The following DENND4A variants were observed in gnomAD, a reference collection of about 807,000 sequenced individuals.
DENND4A encodes the protein DENN domain containing 4A.
A neutral mutation model predicts 199.3 loss-of-function variants in DENND4A; 70 were observed. That is an observed-to-expected ratio of 0.35 (90% CI 0.29 to 0.43). The LOEUF (loss-of-function observed/expected upper bound fraction) is 0.43. DENND4A is among the 20% of genes least tolerant of loss of function. DENND4A has a pLI of 1.00. For missense variants in DENND4A, 1,723 were observed against 2,255.8 expected (o/e 0.76, Z 4.78); for synonymous variants, 686 against 766.9 (o/e 0.89, Z 1.74).
chr15:65,731,816 T>C, intron 8 of DENND4A, 116 bp from the exon 9 acceptor site: 1 of 693,118 alleles, frequency 1.4e-6, no homozygotes. Flanking sequence ...GTATATCCAT[T>C]TACCAGTATC....
chr15:65,765,718 C>A (rs1459863751), intron 1 of DENND4A, among the ~76,000 whole-genome samples: 1 of 152,104 alleles, frequency 6.6e-6, no homozygotes, highest in African/African-American at 2.4e-5. Flanking sequence ...CCTAGTATTG[C>A]CCTGTATAAG....
chr15:65,782,521 C>A (rs2077460554), intron 1 of DENND4A, among the ~76,000 whole-genome samples: 2 of 152,160 alleles, frequency 1.3e-5, no homozygotes, highest in Non-Finnish European at 2.9e-5. Context: ...AGACTGGTTG[C>A]AAACTGCAGC....
intron 1 of DENND4A, among the ~76,000 whole-genome samples, chr15:65,788,389 G>A (rs940942456): frequency 3.3e-5 from 5 of 152,134 alleles, no homozygotes; most frequent in African/African-American, 1.2e-4. Flanking sequence ...CTGGTTAAGA[G>A]AACACCTTCA....
chr15:65,725,960 T>A (rs1385071931), intron 11 of DENND4A: 1 of 152,186 alleles, frequency 6.6e-6, no homozygotes, highest in Admixed American at 6.5e-5. Context: ...TAGAAAGCTG[T>A]CAGTTCGCTA....
intron 23 of DENND4A, among the ~76,000 whole-genome samples, chr15:65,689,182 A>T (rs2142055560): frequency 6.6e-6 from 1 of 152,322 alleles, no homozygotes. Flanking sequence ...TATTTTTAAT[A>T]CATTCCAATT....
intron 15 of DENND4A, among the ~76,000 whole-genome samples, chr15:65,704,789 ACCATGTTGG>A (rs1251667041): frequency 6.6e-6 from 1 of 151,696 alleles, no homozygotes; most frequent in Non-Finnish European, 1.5e-5. Flanking sequence ...CAGGGTTTTC[ACCATGTTGG>A]CCAGGTTGGT....
rs1781877649 is a variant in DENND4A at position 65,771,218 on chromosome 15, T to C, written c.-101-9780A>G. The C allele has an allele frequency of 5.0e-6, 8 of 1,608,556 alleles. No individual in the cohort carries two copies. The South Asian group carries it at 8.8e-5, about 18-fold the overall frequency. On this transcript the variant is annotated intron_variant, in intron 1 of 32. Coordinates refer to ENST00000443035, the MANE Select transcript of DENND4A (RefSeq NM_001320835.1). The stretch of plus-strand genomic sequence containing the variant: ...GGTAAGCCGCTCTAATTCTTTACAG[T>C]TGTCCATGCTCAAGGCATCTGACTT...
chr15:65,701,117 A>G lies in DENND4A; in HGVS notation c.2635T>C (p.Leu879=). 1 of 1,610,626 alleles carries G rather than the reference A, an allele frequency of 6.2e-7. No individual in the cohort carries two copies. Among genetic ancestry groups the G allele is most frequent in the South Asian group, 1.1e-5 (1 of 90,388 alleles). ...GCTCTTTTGAACTGTGTTACTCCTA[A>G]AACAACATTTCTTACTTTTGTCCAA... ...FLWTKVRNVV[L]GVTQFKRALK... The change falls in exon 19 of 33, where the codon TTA becomes CTA. Residue 879 remains leucine, a synonymous_variant. Transcript: ENST00000443035.
Position 65,664,621 on chromosome 15 carries a change from A to G in DENND4A, c.5461T>C (p.Tyr1821His), listed in dbSNP as rs2075976962. Reference protein sequence around the residue: ...MVKSIKMNDVYGPMSQILETL... With the variant: ...MVKSIKMNDVHGPMSQILETL... ...TCTAAAATCTGACTCATTGGTCCAT[A>G]GACATCATTCATTTTAATGCTTTTT... The change falls in exon 31 of 33, where the codon TAT becomes CAT. Residue 1821 changes from tyrosine to histidine, a missense_variant. Tyr to His is a moderately conservative substitution (Grantham distance 83). Transcript: ENST00000443035. 6.2e-7 allele frequency: 1 copy of G among 1,612,916 alleles called. No homozygotes were observed. Among genetic ancestry groups the G allele is most frequent in the Admixed American group, 1.7e-5 (1 of 59,982 alleles).
intron 20 of DENND4A, 91 bp from the exon 21 acceptor site, chr15:65,697,474 C>T: frequency 1.3e-6 from 1 of 776,978 alleles, no homozygotes; most frequent in South Asian, 1.7e-5. Flanking sequence ...GTTTGGATTT[C>T]CTTATAAATT....
At chr15:65,765,273 G>GA (rs2076954324) in intron 1 of DENND4A, among the ~76,000 whole-genome samples, 1 of 152,144 alleles carries the variant, frequency 6.6e-6, no homozygotes, top group Non-Finnish European at 1.5e-5. Flanking sequence ...ACCCGGAATA[G>GA]AAAATTTATA....
chr15:65,781,696 T>C (rs1011562226), intron 1 of DENND4A, among the ~76,000 whole-genome samples: 4 of 152,042 alleles, frequency 2.6e-5, no homozygotes, highest in African/African-American at 9.7e-5. Context: ...AGAGATGAAG[T>C]GAAGGCGATA....
chr15:65,660,332 T>G lies in DENND4A; in HGVS notation c.*1519A>C. The G allele has an allele frequency of 6.5e-7, 1 of 1,532,746 alleles. No individual in the cohort carries two copies. The highest frequency in any genetic ancestry group is 8.7e-7 in the Non-Finnish European group (1 of 1,144,516). The allele number at this position is 1,532,746 out of a possible 1,614,324, so 94.9% of individuals were successfully genotyped here. ...GGTGCTATTCACTAATGGTGTGAAC[T>G]CAAAAGGTGGGTTTTCTGCAGCTGA... On this transcript the variant is annotated 3_prime_UTR_variant, in exon 33 of 33. Transcript: ENST00000443035.
chr15:65,659,330 T>C lies in DENND4A; in HGVS notation c.*2521A>G, dbSNP rs955170942. 8.0e-5 allele frequency: 10 copies of C among 125,380 alleles called. No individual in the cohort carries two copies. Among genetic ancestry groups the C allele is most frequent in the African/African-American group, 2.6e-4 (9 of 34,454 alleles). 7.8% of individuals were successfully genotyped at this position (125,380 alleles called of 1,614,324 possible). On this transcript the variant is annotated 3_prime_UTR_variant, in exon 33 of 33. Transcript: ENST00000443035. ...ATGATTGATATTTTCTGGTTTTTTT[T>C]TTTTTTTTTTTTTTTTTTTTTGAGA...
chr15:65,752,126 G>GC (rs1463490559), intron 4 of DENND4A, among the ~76,000 whole-genome samples: 2 of 138,530 alleles, frequency 1.4e-5, no homozygotes, highest in East Asian at 2.3e-4. Flanking sequence ...TTTGTAGTGG[G>GC]CGGGGGGGGT....
chr15:65,789,795 C>G (rs1374456078), intron 1 of DENND4A, among the ~76,000 whole-genome samples: 19 of 152,138 alleles, frequency 1.2e-4, no homozygotes. Flanking sequence ...AAAAATTCTG[C>G]AAACAACAAA....
intron 1 of DENND4A, among the ~76,000 whole-genome samples, chr15:65,780,308 G>A (rs550104317): frequency 3.3e-5 from 5 of 152,264 alleles, no homozygotes; most frequent in African/African-American, 1.2e-4. Context: ...TAATCCAAAA[G>A]AGAAAAGGCT....
intron 7 of DENND4A, among the ~76,000 whole-genome samples, chr15:65,735,000 T>C (rs2076070529): frequency 1.3e-5 from 2 of 152,116 alleles, no homozygotes; most frequent in Non-Finnish European, 2.9e-5. Flanking sequence ...GGAGGATGGC[T>C]TGAGCCCAGG....
intron 1 of DENND4A, among the ~76,000 whole-genome samples, chr15:65,776,492 T>C (rs1446093360): frequency 1.3e-5 from 2 of 152,218 alleles, no homozygotes; most frequent in South Asian, 2.1e-4. Context: ...TTTTATTTCA[T>C]AAAAATCATA....
Sources: allele counts gnomAD v4.1 joint callset (sites outside exome capture counted in the v4.1 genomes callset), GRCh38; gene constraint gnomAD v4.1.1; transcripts MANE v1.5; gene names NCBI Gene and HGNC (gene_info 2026-07-23, HGNC 2026-07-21).